The following DDX21 variants were observed in gnomAD, a reference collection of about 807,000 sequenced individuals.
DDX21 encodes the protein nucleolar RNA helicase 2.
A neutral mutation model predicts 90.0 loss-of-function variants in DDX21; 18 were observed. The ratio of observed to expected loss-of-function variants is 0.20; its 90% CI spans 0.14 to 0.30. The LOEUF is 0.30. Ranked by LOEUF, DDX21 falls within the 10% of genes least tolerant of loss-of-function variation. DDX21 has a pLI of 1.00. For missense variants in DDX21, 673 were observed against 944.5 expected, an observed-to-expected ratio of 0.71 and a Z score of 3.77; for synonymous variants, 294 against 318.0, an observed-to-expected ratio of 0.92 and a Z score of 0.80.
chr10:68,969,650 A>C (rs1266528031), intron 7 of DDX21, among the ~76,000 whole-genome samples: 1 of 152,210 alleles, frequency 6.6e-6, no homozygotes, highest in African/African-American at 2.4e-5. Flanking sequence ...ACTTAAATCT[A>C]TCTGAGTTAT....
chr10:68,984,844 T>A lies in DDX21; in HGVS notation c.*2032T>A, dbSNP rs1398545189. ...GATCCCAGAATTCAACCTGTATTTATAAATGTATAATGTATTTAGCTACTT... is the reference window on the plus strand; with the variant it reads ...GATCCCAGAATTCAACCTGTATTTAAAAATGTATAATGTATTTAGCTACTT... On this transcript the variant is annotated 3_prime_UTR_variant, in exon 15 of 15. Coordinates refer to ENST00000354185, the MANE Select transcript of DDX21 (RefSeq NM_004728.4). 6.6e-6 allele frequency: 1 copy of A among 152,240 alleles called. No individual in the cohort carries two copies. Among genetic ancestry groups the A allele is most frequent in the Non-Finnish European group, 1.5e-5 (1 of 68,040 alleles). The allele number at this position is 152,240 out of a possible 1,614,324, so 9.4% of individuals were successfully genotyped here.
At position 68,984,740 on chromosome 10, in the gene DDX21, A is replaced by C. The variant is rs930124267; in HGVS notation, c.*1928A>C. 1.3e-5 allele frequency: 2 copies of C among 152,232 alleles called. No homozygotes were observed. The highest frequency in any genetic ancestry group is 4.8e-5 in the African/African-American group (2 of 41,468). 9.4% of individuals were successfully genotyped at this position (152,232 alleles called of 1,614,324 possible). On this transcript the variant is annotated 3_prime_UTR_variant, in exon 15 of 15. Transcript: ENST00000354185. ...AAATAATCTGGCATAAATTAAGAGTAAGAGAGAAGATTAATAGAAATTTCA... is the reference window on the plus strand; with the variant it reads ...AAATAATCTGGCATAAATTAAGAGTCAGAGAGAAGATTAATAGAAATTTCA...
At chr10:68,965,275 C>T in intron 4 of DDX21, 102 bp from the exon 5 acceptor site, 1 of 843,232 alleles carries the variant, frequency 1.2e-6, no homozygotes, top group Non-Finnish European at 1.9e-6. Context: ...CAGCGTTAGA[C>T]CTTGTTCAAG....
At chr10:68,977,867 G>C (rs1053349773) in intron 12 of DDX21, among the ~76,000 whole-genome samples, 179 bp downstream of exon 12, 1 of 152,106 alleles carries the variant, frequency 6.6e-6, no homozygotes, top group Non-Finnish European at 1.5e-5. Flanking sequence ...CAGCCCTTTG[G>C]GAGGCACAGG....
At chr10:68,969,797 A>G (rs75031950) in intron 7 of DDX21, among the ~76,000 whole-genome samples, 7,932 of 152,274 alleles carry the variant, frequency 0.052, 669 homozygotes, top group African/African-American at 0.18. Flanking sequence ...AATTTCACTG[A>G]GGAACAGACC....
At chr10:68,973,001 A>G (rs1314127534) in intron 9 of DDX21, among the ~76,000 whole-genome samples, 1 of 152,064 alleles carries the variant, frequency 6.6e-6, no homozygotes, top group African/African-American at 2.4e-5. Flanking sequence ...CCTGGCCAAT[A>G]TGGTGAAACT....
chr10:68,976,111 C>T (rs561948409), intron 11 of DDX21, among the ~76,000 whole-genome samples: 2 of 151,444 alleles, frequency 1.3e-5, no homozygotes, highest in Non-Finnish European at 2.9e-5. Flanking sequence ...CCTGTAGTCC[C>T]AGCTACTCTG....
chr10:68,967,328 C>A, intron 6 of DDX21, 125 bp downstream of exon 6: 1 of 870,128 alleles, frequency 1.1e-6, no homozygotes, highest in Non-Finnish European at 1.7e-6. Context: ...CACCCACCAC[C>A]ACGCCTGGCC....
At chr10:68,973,213 T>C (rs1843051233) in intron 9 of DDX21, among the ~76,000 whole-genome samples, 1 of 151,860 alleles carries the variant, frequency 6.6e-6, no homozygotes, top group Non-Finnish European at 1.5e-5. Flanking sequence ...AAAAAAAGAC[T>C]AGATATATTG....
rs1311859893 is a variant in DDX21 at position 68,974,866 on chromosome 10, C to T, written c.1742+123C>T. ...TTAAAATTTTTGAGACAGGGTCTCA[C>T]TATGTTGCCCAGGCTGGTCTCAACT... is the stretch of plus-strand genomic sequence containing the variant. On this transcript the variant is annotated intron_variant, in intron 11 of 14. Coordinates refer to ENST00000354185, the MANE Select transcript of DDX21 (RefSeq NM_004728.4). 27 of 670,608 alleles carry T rather than the reference C, an allele frequency of 4.0e-5. No individual in the cohort carries two copies. In the East Asian group the frequency reaches 8.0e-4, roughly 20 times the overall value. The allele number at this position is 670,608 out of a possible 1,614,324, so 41.5% of individuals were successfully genotyped here. A position where few individuals can be genotyped will look rare whatever the true frequency, so the allele number is the denominator to read the frequency against.
intron 13 of DDX21, 108 bp from the exon 14 acceptor site, chr10:68,981,429 T>C: frequency 1.9e-6 from 2 of 1,041,904 alleles, no homozygotes; most frequent in Non-Finnish European, 2.9e-6. Context: ...GGTGGTTTTT[T>C]TGCTTTATGT....
chr10:68,964,237 A>AT (rs2132082383), intron 4 of DDX21: 1 of 272,142 alleles, frequency 3.7e-6, no homozygotes, highest in East Asian at 1.2e-4. Context: ...CATTAACCTC[A>AT]TTGAAATGAC....
intron 11 of DDX21, among the ~76,000 whole-genome samples, chr10:68,976,647 G>A (rs1252269558): frequency 6.6e-6 from 1 of 152,022 alleles, no homozygotes; most frequent in Non-Finnish European, 1.5e-5. Flanking sequence ...GTTTTTTTAA[G>A]TGTCCTACAG....
intron 5 of DDX21, 92 bp from the exon 6 acceptor site, chr10:68,966,926 A>AT: frequency 9.5e-7 from 1 of 1,048,648 alleles, no homozygotes; most frequent in Non-Finnish European, 1.3e-6. Flanking sequence ...TTTAACAAAT[A>AT]TTTTAGAGTA....
At chr10:68,973,883 A>G (rs1843059175) in intron 10 of DDX21, among the ~76,000 whole-genome samples, 1 of 152,206 alleles carries the variant, frequency 6.6e-6, no homozygotes, top group African/African-American at 2.4e-5. Context: ...TTTGAAAGGA[A>G]GTTTTCAGAC....
At chr10:68,956,492 C>T in intron 1 of DDX21, 180 bp downstream of exon 1, 1 of 1,440,590 alleles carries the variant, frequency 6.9e-7, no homozygotes, top group Non-Finnish European at 9.1e-7. Context: ...GCAGTGGACG[C>T]GTCGTTTGCC....
chr10:68,982,652 G>C lies in DDX21; in HGVS notation c.2192G>C (p.Ser731Thr), dbSNP rs138365328. ...YGGFRGQREG[S>T]RGFRGQRDGN... ...GGCTTCAGGGGACAGCGGGAAGGCA[G>C]TCGAGGCTTCAGGGGACAGCGGGAC... The change falls in exon 15 of 15, where the codon AGT (serine) becomes ACT (threonine). Residue 731 changes from serine (S) to threonine (T), a missense_variant. Around this residue, in one of 4 missense-constraint regions of DDX21, gnomAD observed 225 missense variants for 298.8 expected, o/e 0.75. Coordinates refer to ENST00000354185, the MANE Select transcript of DDX21 (RefSeq NM_004728.4). 21 of 1,613,080 alleles carry C rather than the reference G, an allele frequency of 1.3e-5. No individual in the cohort carries two copies. In the Admixed American group the frequency reaches 2.8e-4, roughly 22 times the overall value.
In DDX21 at chr10:68,956,261, A is replaced by T; in HGVS notation, c.36A>T (p.Glu12Asp). ...PGKLRSDAGLESDTAMKKGET... is the reference protein window; with the variant it reads ...PGKLRSDAGLDSDTAMKKGET... The stretch of plus-strand genomic sequence containing the variant: ...AACTCCGTAGTGACGCTGGTTTGGA[A>T]TCAGACACCGCAATGAAAAAAGGGG... The change falls in exon 1 of 15, where the codon GAA becomes GAT. Residue 12 changes from glutamate (E) to aspartate (D), a missense_variant. Physicochemically the swap from Glu to Asp is conservative, Grantham distance 45. Around this residue, in one of 4 missense-constraint regions of DDX21, gnomAD observed 204 missense variants for 221.6 expected, o/e 0.92. Transcript: ENST00000354185. The T allele has an allele frequency of 1.2e-6, 2 of 1,614,200 alleles. No individual in the cohort carries two copies. The highest frequency in any genetic ancestry group is 1.7e-6 in the Non-Finnish European group (2 of 1,180,034).
At position 68,974,739 on chromosome 10, in the gene DDX21, A is replaced by G. The variant is rs1843071455; in HGVS notation, c.1738A>G (p.Ile580Val). ...EIIKASSKDA[I>V]RLLDSVPPTA... ...AATAAAAGCTTCCAGCAAAGATGCC[A>G]TCAGGTATGTTCCCTACCACTGCTA... is the stretch of plus-strand genomic sequence containing the variant. Residue 580 changes from isoleucine (I) to valine (V), a missense_variant, in exon 11 of 15, where the codon ATC (isoleucine) becomes GTC (valine). Physicochemically the swap from Ile to Val is conservative, Grantham distance 29. Coordinates refer to ENST00000354185, the MANE Select transcript of DDX21 (RefSeq NM_004728.4). 1.2e-6 allele frequency: 2 copies of G among 1,613,406 alleles called. No individual in the cohort carries two copies. Among genetic ancestry groups the G allele is most frequent in the East Asian group, 2.2e-5 (1 of 44,854 alleles).
Sources: gnomAD v4.1 joint callset for allele counts (sites outside exome capture counted in the v4.1 genomes callset) on GRCh38, gnomAD v4.1.1 for gene constraint, gnomAD v4.1.1 regional missense constraint, MANE v1.5 for transcripts, NCBI Gene and HGNC (gene_info 2026-07-23, HGNC 2026-07-21) for gene names.